The following HYCC2 variants were observed in gnomAD, a reference collection of about 807,000 sequenced individuals.
The protein encoded by HYCC2 is hyccin 2.
chr2:200,992,022 A>C, the HYCC2 span, among the ~76,000 whole-genome samples: 3 of 152,154 alleles, frequency 2.0e-5, no homozygotes, highest in African/African-American at 7.2e-5. Flanking sequence ...CTTCTCTAGA[A>C]ATCTGAATAT....
the HYCC2 span, among the ~76,000 whole-genome samples, chr2:201,041,025 C>T: frequency 2.0e-5 from 3 of 152,204 alleles, no homozygotes; most frequent in Admixed American, 1.3e-4. Context: ...ACTAGCTATA[C>T]TCAAACCCGC....
the HYCC2 span, chr2:201,011,576 T>C: frequency 3.1e-6 from 2 of 638,990 alleles, no homozygotes; most frequent in Non-Finnish European, 5.0e-6. Flanking sequence ...GTAGGAAGAT[T>C]TTTCAGAAAC....
At chr2:201,070,422 G>A in the HYCC2 span, among the ~76,000 whole-genome samples, 4 of 152,084 alleles carry the variant, frequency 2.6e-5, no homozygotes, top group East Asian at 3.9e-4. Flanking sequence ...GGAGGCCGAG[G>A]CGGGCGGATC....
chr2:201,065,970 A>T, the HYCC2 span, among the ~76,000 whole-genome samples: 3 of 152,372 alleles, frequency 2.0e-5, no homozygotes, highest in Non-Finnish European at 4.4e-5. Flanking sequence ...TTGAGTCTTA[A>T]GTTTTATATT....
At chr2:200,995,828 T>C in the HYCC2 span, among the ~76,000 whole-genome samples, 2 of 152,182 alleles carry the variant, frequency 1.3e-5, no homozygotes, top group African/African-American at 4.8e-5. Flanking sequence ...GTGTGATGTT[T>C]TACCCTGCTC....
chr2:201,002,303 A>G, the HYCC2 span, among the ~76,000 whole-genome samples: 2 of 151,872 alleles, frequency 1.3e-5, no homozygotes, highest in Non-Finnish European at 2.9e-5. Context: ...AAAAGGACAA[A>G]GGACATGAAT....
At chr2:201,037,426 A>G in the HYCC2 span, among the ~76,000 whole-genome samples, 1 of 152,220 alleles carries the variant, frequency 6.6e-6, no homozygotes, top group Non-Finnish European at 1.5e-5. Context: ...AAGAGCCCGC[A>G]TTGCCAAGTC....
At chr2:201,030,314 T>C in the HYCC2 span, among the ~76,000 whole-genome samples, 1 of 152,060 alleles carries the variant, frequency 6.6e-6, no homozygotes, top group African/African-American at 2.4e-5. Context: ...ATAAATACAG[T>C]TAGTTGATAA....
the HYCC2 span, among the ~76,000 whole-genome samples, chr2:201,025,826 A>C: frequency 6.6e-6 from 1 of 152,114 alleles, no homozygotes; most frequent in Non-Finnish European, 1.5e-5. Context: ...TGGGAGGCTG[A>C]GGTAAGAGGA....
the HYCC2 span, among the ~76,000 whole-genome samples, chr2:200,984,922 G>A: frequency 6.6e-6 from 1 of 152,150 alleles, no homozygotes; most frequent in Non-Finnish European, 1.5e-5. Flanking sequence ...AGACTAGTCT[G>A]GGCAACATAG....
chr2:200,990,840 G>C, the HYCC2 span, among the ~76,000 whole-genome samples: 1 of 152,134 alleles, frequency 6.6e-6, no homozygotes, highest in Non-Finnish European at 1.5e-5. Context: ...CGAAGTGCTG[G>C]GTTACAGGTG....
At chr2:201,042,501 G>A in the HYCC2 span, among the ~76,000 whole-genome samples, 1 of 151,584 alleles carries the variant, frequency 6.6e-6, no homozygotes, top group Non-Finnish European at 1.5e-5. Context: ...GACCCCGTCT[G>A]GGAACTGAGG....
At chr2:201,068,736 CAGA>C in the HYCC2 span, among the ~76,000 whole-genome samples, 1 of 152,156 alleles carries the variant, frequency 6.6e-6, no homozygotes, top group African/African-American at 2.4e-5. Flanking sequence ...AAGGGCTCAA[CAGA>C]AGGCTAGGAA....
At chr2:201,035,998 G>A in the HYCC2 span, among the ~76,000 whole-genome samples, 1 of 152,076 alleles carries the variant, frequency 6.6e-6, no homozygotes, top group Admixed American at 6.6e-5. Flanking sequence ...CGTGTGAGGT[G>A]TCAGTCTGTC....
the HYCC2 span, among the ~76,000 whole-genome samples, chr2:201,038,541 C>T: frequency 1.3e-5 from 2 of 152,154 alleles, no homozygotes; most frequent in South Asian, 2.1e-4. Flanking sequence ...GGCACATATA[C>T]ACTATGGAAT....
the HYCC2 span, among the ~76,000 whole-genome samples, chr2:201,038,601 G>A: frequency 0.011 from 1,724 of 152,246 alleles, 17 homozygotes; most frequent in Non-Finnish European, 0.017. Flanking sequence ...TAGGGACATG[G>A]AAGAAGCTGG....
At chr2:200,992,250 T>C in the HYCC2 span, 1 of 1,293,054 alleles carries the variant, frequency 7.7e-7, no homozygotes, top group South Asian at 1.2e-5. Flanking sequence ...GGTACCAGTA[T>C]ATTTAATAAA....
At chr2:201,024,591 C>CAAGT in the HYCC2 span, among the ~76,000 whole-genome samples, 6 of 152,180 alleles carry the variant, frequency 3.9e-5, no homozygotes, top group Admixed American at 2.6e-4. Context: ...CTGGCAAAGA[C>CAAGT]AAGTGTCCTG....
the HYCC2 span, among the ~76,000 whole-genome samples, chr2:201,055,528 G>A: frequency 6.6e-6 from 1 of 151,702 alleles, no homozygotes; most frequent in African/African-American, 2.4e-5. Context: ...GCAAAACCCT[G>A]TCTCAATAAA....
Sources: gnomAD v4.1 joint callset for allele counts (sites outside exome capture counted in the v4.1 genomes callset) on GRCh38, gnomAD v4.1.1 for gene constraint, MANE v1.5 for transcripts, NCBI Gene and HGNC (gene_info 2026-07-23, HGNC 2026-07-21) for gene names.